PCDHA7: variants seen among roughly 807,000 people sequenced by gnomAD.
PCDHA7 encodes protocadherin alpha 7, also known as protocadherin alpha-7.
PCDHA7 carries 37 observed loss-of-function variants against 57.2 expected under a neutral mutation model. The observed-to-expected ratio is 0.65, with a 90% CI of 0.50 to 0.85. PCDHA7 has a LOEUF of 0.85. PCDHA7 is among the 40% of genes least tolerant of loss of function. The probability of loss-of-function intolerance (pLI) is 0.00; values close to 1 mark genes in which losing one functional copy is unlikely to be tolerated. For missense variants in PCDHA7, 1,188 were observed against 1,241.8 expected, an observed-to-expected ratio of 0.96 and a Z score of 0.65; for synonymous variants, 553 against 558.8, an observed-to-expected ratio of 0.99 and a Z score of 0.15.
chr5:140,967,043 G>T (rs1477679213), intron 1 of PCDHA7: 2 of 1,611,990 alleles, frequency 1.2e-6, no homozygotes, highest in African/African-American at 2.7e-5. Context: ...CCTGGAGCTG[G>T]ACCTGACGAG....
At chr5:140,968,464 C>G (rs1554230763) in intron 1 of PCDHA7, 1 of 1,614,114 alleles carries the variant, frequency 6.2e-7, no homozygotes, top group Non-Finnish European at 8.5e-7. Flanking sequence ...TGACTGCCAA[C>G]GTATATGTGG....
At chr5:140,862,970 C>T (rs1554157323) in intron 1 of PCDHA7, 4 of 545,310 alleles carry the variant, frequency 7.3e-6, no homozygotes, top group South Asian at 5.5e-5. Context: ...GGATGCAGGC[C>T]ACTTGGTGGC....
chr5:140,985,273 T>C (rs1554246915), intron 3 of PCDHA7, among the ~76,000 whole-genome samples: 1 of 152,178 alleles, frequency 6.6e-6, no homozygotes, highest in African/African-American at 2.4e-5. Context: ...GGACTACTTT[T>C]CTGCAATCTA....
Position 140,843,333 on chromosome 5 carries a change from A to G in PCDHA7, c.2355+6595A>G, listed in dbSNP as rs2150357637. 2.5e-6 allele frequency: 4 copies of G among 1,596,000 alleles called. No homozygotes were observed. The Admixed American group carries it at 5.1e-5, about 20-fold the overall frequency. ...GCCACGGTTCTGGTGTCGCTGGTGG[A>G]GAGCGGCCAGGCTCCAAAAGCGTCA... On this transcript the variant is annotated intron_variant, in intron 1 of 3. Transcript: ENST00000525929.
intron 1 of PCDHA7, chr5:140,857,412 C>A: frequency 1.3e-6 from 2 of 1,598,338 alleles, no homozygotes; most frequent in Non-Finnish European, 1.7e-6. Context: ...CCTGCGTTCG[C>A]GCAGTCCGAG....
intron 3 of PCDHA7, among the ~76,000 whole-genome samples, chr5:141,003,426 C>T (rs1316658550): frequency 1.3e-5 from 2 of 152,144 alleles, no homozygotes; most frequent in African/African-American, 4.8e-5. Context: ...ATTCTTATGC[C>T]TCAGCCTCCC....
At chr5:140,911,030 C>A (rs995736934) in intron 1 of PCDHA7, among the ~76,000 whole-genome samples, 1 of 152,066 alleles carries the variant, frequency 6.6e-6, no homozygotes, top group East Asian at 1.9e-4. Context: ...AGTTATAGGT[C>A]TAGAAGCAAA....
intron 1 of PCDHA7, among the ~76,000 whole-genome samples, chr5:140,958,944 T>G (rs199974895): frequency 1.0e-5 from 1 of 100,018 alleles, no homozygotes; most frequent in African/African-American, 4.8e-5. Context: ...TGTAATAATA[T>G]TATATTATTA....
intron 1 of PCDHA7, chr5:140,877,951 G>A (rs1562741853): frequency 7.4e-7 from 1 of 1,344,742 alleles, no homozygotes; most frequent in Non-Finnish European, 9.7e-7. Context: ...ACTATCGAAT[G>A]TCTCATCTTT....
chr5:140,896,386 C>T (rs575002506), intron 1 of PCDHA7, among the ~76,000 whole-genome samples: 1 of 152,124 alleles, frequency 6.6e-6, no homozygotes, highest in African/African-American at 2.4e-5. Context: ...TGCAACCTCA[C>T]CAGCATCTGT....
chr5:140,836,543 G>A lies in PCDHA7; in HGVS notation c.2160G>A (p.Ala720=), dbSNP rs1209808083. Residue 720 remains alanine, a synonymous_variant, in exon 1 of 4, where the codon GCG becomes GCA. Coordinates refer to ENST00000525929, the MANE Select transcript of PCDHA7 (RefSeq NM_018910.3). ...LLVLTLLLYT[A]LRCSAPSSEG... ...TGCTTACCCTGCTGCTGTACACGGC[G>A]TTGCGGTGCTCAGCGCCGTCCTCTG... 3 of 1,613,702 alleles carry A rather than the reference G, an allele frequency of 1.9e-6. No homozygotes were observed. The African/African-American group carries it at 4.0e-5, about 22-fold the overall frequency.
At position 140,896,169 on chromosome 5, in the gene PCDHA7, GT is replaced by G. The variant is rs1473218621; in HGVS notation, c.2355+59432del. Among the ~76,000 whole-genome samples, 40 of 152,274 alleles carry G rather than the reference GT, an allele frequency of 2.6e-4. 1 individual carries two copies. The East Asian group carries it at 5.2e-3, about 20-fold the overall frequency. ...TGATGGGCATTTAGGATTATTCTCT[GT>G]CTTTGCTATTGTGAATAGTGCCATG... is the stretch of plus-strand genomic sequence containing the variant. On this transcript the variant is annotated intron_variant, in intron 1 of 3. Transcript: ENST00000525929.
At chr5:140,940,764 G>C (rs977154290) in intron 1 of PCDHA7, among the ~76,000 whole-genome samples, 1 of 152,080 alleles carries the variant, frequency 6.6e-6, no homozygotes, top group Non-Finnish European at 1.5e-5. Context: ...ACTTTTATTT[G>C]ACTTTTGATG....
At chr5:141,003,441 A>G (rs184470683) in intron 3 of PCDHA7, among the ~76,000 whole-genome samples, 25 of 152,240 alleles carry the variant, frequency 1.6e-4, no homozygotes, top group Non-Finnish European at 1.5e-5. Flanking sequence ...CCTCCCAAGT[A>G]GATGAAATTA....
At chr5:140,904,125 C>G (rs2070849198) in intron 1 of PCDHA7, among the ~76,000 whole-genome samples, 1 of 151,972 alleles carries the variant, frequency 6.6e-6, no homozygotes, top group East Asian at 1.9e-4. Flanking sequence ...TTTTGGTGCA[C>G]CCATCACCCG....
chr5:140,884,967 G>A (rs895578956), intron 1 of PCDHA7, among the ~76,000 whole-genome samples: 2 of 152,134 alleles, frequency 1.3e-5, no homozygotes, highest in African/African-American at 4.8e-5. Context: ...CTCACGTTGT[G>A]AGAACTTAAA....
At chr5:140,879,844 C>A (rs1333807567) in intron 1 of PCDHA7, among the ~76,000 whole-genome samples, 1 of 152,194 alleles carries the variant, frequency 6.6e-6, no homozygotes, top group East Asian at 1.9e-4. Context: ...CTGTACCACT[C>A]CCATCTCAGC....
intron 1 of PCDHA7, among the ~76,000 whole-genome samples, chr5:140,938,952 C>G (rs1036829091): frequency 4.6e-5 from 7 of 152,104 alleles, no homozygotes; most frequent in South Asian, 2.1e-4. Flanking sequence ...TTATAATGCT[C>G]TAGTCGGAGT....
At chr5:140,894,143 T>G (rs1322881071) in intron 1 of PCDHA7, among the ~76,000 whole-genome samples, 1 of 152,158 alleles carries the variant, frequency 6.6e-6, no homozygotes, top group Non-Finnish European at 1.5e-5. Flanking sequence ...ATAATTCCCT[T>G]CTATGTAATT....
Sources: gnomAD v4.1 joint callset for allele counts (sites outside exome capture counted in the v4.1 genomes callset) on GRCh38, gnomAD v4.1.1 for gene constraint, MANE v1.5 for transcripts, NCBI Gene and HGNC (gene_info 2026-07-23, HGNC 2026-07-21) for gene names.